Variants in SNTG1 observed in about 807,000 individuals in gnomAD.
SNTG1 encodes the protein gamma-1-syntrophin.
In SNTG1, 39 loss-of-function variants were observed where a neutral mutation model predicts 74.7. The ratio of observed to expected loss-of-function variants is 0.52; its 90% CI spans 0.40 to 0.68. The LOEUF (loss-of-function observed/expected upper bound fraction) is 0.68. Among genes scored for constraint, SNTG1 ranks in the 30% least tolerant of loss-of-function variants. SNTG1 has a pLI of 0.00. For synonymous variants in SNTG1, 254 were observed against 217.1 expected (o/e 1.17, Z -1.49); for missense variants, 685 against 609.5 (o/e 1.12, Z -1.30).
chr8:50,510,514 G>T (rs1006293818), intron 9 of SNTG1, among the ~76,000 whole-genome samples: 1 of 152,144 alleles, frequency 6.6e-6, no homozygotes, highest in Non-Finnish European at 1.5e-5. Flanking sequence ...TTGTACCTCT[G>T]GTAGAATTCA....
At chr8:50,099,345 A>C (rs2080041191) in intron 1 of SNTG1, among the ~76,000 whole-genome samples, 1 of 152,118 alleles carries the variant, frequency 6.6e-6, no homozygotes, top group African/African-American at 2.4e-5. Flanking sequence ...ATACACAAAC[A>C]AGACAGAAAC....
chr8:50,329,127 G>A (rs1334887497), intron 2 of SNTG1, among the ~76,000 whole-genome samples: 6 of 152,178 alleles, frequency 3.9e-5, no homozygotes, highest in Middle Eastern at 3.4e-3. Flanking sequence ...GTAAAAGTTG[G>A]GCTCCCACCC....
chr8:50,025,979 G>T (rs1271107848), intron 1 of SNTG1, among the ~76,000 whole-genome samples: 1 of 152,066 alleles, frequency 6.6e-6, no homozygotes, highest in Non-Finnish European at 1.5e-5. Context: ...TTAGGTCTGT[G>T]GCCCAGATTT....
In SNTG1 at chr8:50,351,140, C is replaced by T. The variant is rs181530453; in HGVS notation, c.-27-43072C>T. The stretch of plus-strand genomic sequence containing the variant: ...GTTGGCAGGTATTGGTGATGACTAC[C>T]TAGACCCATTTCTTATTAAGGATGC... On this transcript the variant is annotated intron_variant, in intron 2 of 18. Transcript: ENST00000642720. 7.7e-4 allele frequency among the ~76,000 whole-genome samples: 118 copies of T among 152,306 alleles called. 1 individual carries two copies. The highest frequency in any genetic ancestry group is 7.4e-3 in the Admixed American group (113 of 15,300).
intron 14 of SNTG1, among the ~76,000 whole-genome samples, chr8:50,658,180 T>G (rs551924686): frequency 3.9e-5 from 6 of 152,270 alleles, no homozygotes; most frequent in Admixed American, 1.3e-4. Flanking sequence ...ATCTTGGAAT[T>G]TCTTAATATA....
At chr8:50,274,611 A>T (rs756954964) in intron 2 of SNTG1, among the ~76,000 whole-genome samples, 6 of 152,166 alleles carry the variant, frequency 3.9e-5, no homozygotes, top group Admixed American at 6.5e-5. Context: ...GAGAGAGGAC[A>T]TTCTTCCCTT....
intron 1 of SNTG1, among the ~76,000 whole-genome samples, chr8:50,134,156 G>A (rs371023350): frequency 6.6e-6 from 1 of 152,154 alleles, no homozygotes; most frequent in Admixed American, 6.5e-5. Context: ...GTGGTGGTGG[G>A]TTAATATCAG....
intron 1 of SNTG1, among the ~76,000 whole-genome samples, chr8:49,990,572 A>G (rs1813584833): frequency 6.6e-6 from 1 of 152,126 alleles, no homozygotes; most frequent in African/African-American, 2.4e-5. Context: ...TTACAAAACT[A>G]CAAAAATCAA....
intron 8 of SNTG1, among the ~76,000 whole-genome samples, chr8:50,471,121 C>G (rs1432597848): frequency 2.6e-5 from 4 of 152,060 alleles, no homozygotes; most frequent in Admixed American, 6.6e-5. Context: ...GAAAAGTTCC[C>G]CAAGTCCCAA....
At chr8:50,473,292 C>A (rs572099496) in intron 8 of SNTG1, among the ~76,000 whole-genome samples, 7 of 152,186 alleles carry the variant, frequency 4.6e-5, no homozygotes, top group African/African-American at 7.2e-5. Context: ...GCTTCCCCTT[C>A]ACCTTCTGCT....
At chr8:50,045,210 T>A (rs1818976182) in intron 1 of SNTG1, among the ~76,000 whole-genome samples, 1 of 152,284 alleles carries the variant, frequency 6.6e-6, no homozygotes, top group Middle Eastern at 3.4e-3. Context: ...GAAATACTTG[T>A]GGCTGGGTAA....
chr8:50,678,927 CACAT>C lies in SNTG1; in HGVS notation c.1038+20272_1038+20275del, dbSNP rs1462853282. On this transcript the variant is annotated intron_variant, in intron 15 of 18. Coordinates refer to ENST00000642720, the MANE Select transcript of SNTG1 (RefSeq NM_018967.5). The stretch of plus-strand genomic sequence containing the variant: ...ATATCTAAAGATATAGATAAATAAA[CACAT>C]ACATACACAACTATATGTGTATATG... Among the ~76,000 whole-genome samples the C allele has an allele frequency of 5.9e-5, 9 of 152,074 alleles. No homozygotes were observed. In the South Asian group the frequency reaches 1.9e-3, roughly 32 times the overall value.
At chr8:50,624,916 T>G (rs2094947157) in intron 13 of SNTG1, among the ~76,000 whole-genome samples, 1 of 152,152 alleles carries the variant, frequency 6.6e-6, no homozygotes, top group African/African-American at 2.4e-5. Context: ...GTCAAAGAAA[T>G]GTCCCTTCCT....
At chr8:50,279,619 T>G (rs2088316258) in intron 2 of SNTG1, among the ~76,000 whole-genome samples, 1 of 152,174 alleles carries the variant, frequency 6.6e-6, no homozygotes, top group South Asian at 2.1e-4. Flanking sequence ...TTGGGACAGA[T>G]GCTTGTATCA....
intron 8 of SNTG1, among the ~76,000 whole-genome samples, chr8:50,473,053 T>C (rs1341222150): frequency 1.3e-5 from 2 of 152,164 alleles, no homozygotes; most frequent in Admixed American, 1.3e-4. Context: ...GCAAGTGATA[T>C]GGTTAGGCTT....
chr8:49,933,063 G>T (rs1807741081), intron 1 of SNTG1, among the ~76,000 whole-genome samples: 1 of 151,946 alleles, frequency 6.6e-6, no homozygotes. Flanking sequence ...TTATTATTAT[G>T]ACTAAAGCTG....
chr8:50,257,516 A>C (rs1017239197), intron 2 of SNTG1, among the ~76,000 whole-genome samples: 1 of 152,202 alleles, frequency 6.6e-6, no homozygotes, highest in Non-Finnish European at 1.5e-5. Flanking sequence ...AGGGTGTTTC[A>C]GAAAACAATG....
chr8:50,438,449 C>A, intron 4 of SNTG1, 94 bp from the exon 5 acceptor site: 1 of 1,015,872 alleles, frequency 9.8e-7, no homozygotes, highest in Non-Finnish European at 1.5e-6. Context: ...AGAGCAAAAG[C>A]AAAACCCAGA....
intron 1 of SNTG1, among the ~76,000 whole-genome samples, chr8:50,087,931 C>T (rs1298497496): frequency 9.0e-6 from 1 of 111,028 alleles, no homozygotes; most frequent in Non-Finnish European, 1.8e-5. Flanking sequence ...TCCCTCCCCC[C>T]TCCCCCCACC....
Sources: gnomAD v4.1 joint callset for allele counts (sites outside exome capture counted in the v4.1 genomes callset) on GRCh38, gnomAD v4.1.1 for gene constraint, MANE v1.5 for transcripts, NCBI Gene and HGNC (gene_info 2026-07-23, HGNC 2026-07-21) for gene names.